The following INF2 variants were observed in gnomAD, a reference collection of about 807,000 sequenced individuals.
The protein encoded by INF2 is inverted formin 2, also known as inverted formin-2.
In INF2, 43 loss-of-function variants were observed where a neutral mutation model predicts 123.5. The ratio of observed to expected loss-of-function variants is 0.35; its 90% CI spans 0.27 to 0.45. INF2 has a LOEUF of 0.45. Ranked by LOEUF, INF2 falls within the 20% of genes least tolerant of loss-of-function variation. The probability of loss-of-function intolerance (pLI) is 1.00; values close to 1 mark genes in which losing one functional copy is unlikely to be tolerated. For synonymous variants in INF2, 851 were observed against 745.0 expected (o/e 1.14, Z -2.32); for missense variants, 1,453 against 1,682.7 (o/e 0.86, Z 2.39).
rs189559257 is a variant in INF2, at chr14:104,709,297, G to A, written c.1966G>A (p.Ala656Thr). 98 of 1,612,802 alleles carry A rather than the reference G, an allele frequency of 6.1e-5. No individual in the cohort carries two copies. The Admixed American group carries it at 7.0e-4, about 12-fold the overall frequency. The change falls in exon 11 of 23, where the codon GCT (alanine) becomes ACT (threonine). Residue 656 changes from alanine to threonine, a missense_variant. Around this residue, in one of 8 missense-constraint regions of INF2, gnomAD observed 192 missense variants for 274.4 expected, o/e 0.70. Transcript: ENST00000392634. Reference sequence around the variant, plus strand: ...CTGCTCCAGCTCCAACGAGGAGGTCGCTGCTATGATCCGGGCTGGAGATAC... The same window carrying A: ...CTGCTCCAGCTCCAACGAGGAGGTCACTGCTATGATCCGGGCTGGAGATAC... ...KQFKCSNEEV[A>T]AMIRAGDTTK...
rs372333024 is a variant in INF2, at chr14:104,709,651, G to C, written c.2084G>C (p.Arg695Pro). ...IENLRAFTEERAKLASADHFY... is the reference protein window; with the variant it reads ...IENLRAFTEEPAKLASADHFY... ...AACCTGCGGGCATTCACAGAGGAGC[G>C]AGCCAAGCTGGCCAGCGCCGACCAC... Residue 695 changes from arginine to proline, a missense_variant, in exon 12 of 23, where the codon CGA becomes CCA. By Grantham distance (103) the Arg-to-Pro change is moderately radical. This residue lies in a region of INF2 where 192 missense variants were observed against 274.4 expected (regional missense o/e 0.70). Transcript: ENST00000392634. The C allele has an allele frequency of 6.2e-7, 1 of 1,612,728 alleles. No homozygotes were observed. The highest frequency in any genetic ancestry group is 1.1e-5 in the South Asian group (1 of 91,086).
chr14:104,696,841 C>A (rs1196447359), intron 1 of INF2, among the ~76,000 whole-genome samples: 1 of 152,152 alleles, frequency 6.6e-6, no homozygotes. Flanking sequence ...TCCCTGCACC[C>A]CCACCACCAA....
At chr14:104,688,049 G>A (rs547733779), upstream of INF2, among the ~76,000 whole-genome samples, 3 of 152,374 alleles carry the variant, frequency 2.0e-5, no homozygotes, top group East Asian at 5.8e-4. Context: ...CTTGAGGGAG[G>A]GCAGGAAGGC....
intron 6 of INF2, 70 bp from the exon 7 acceptor site, chr14:104,706,839 GA>G: frequency 1.3e-6 from 2 of 1,557,112 alleles, no homozygotes; most frequent in South Asian, 2.3e-5. Context: ...CACCCTGGCA[GA>G]CAGGCCACAG....
At chr14:104,718,046 G>A (rs1282370875) in intron 22 of INF2, among the ~76,000 whole-genome samples, 4 of 152,238 alleles carry the variant, frequency 2.6e-5, no homozygotes, top group Admixed American at 1.3e-4. Flanking sequence ...ATCCCTGCAC[G>A]GGCCTTGGTC....
chr14:104,703,026 C>T (rs1889601725), intron 2 of INF2, 79 bp from the exon 3 acceptor site: 4 of 1,212,178 alleles, frequency 3.3e-6, no homozygotes, highest in South Asian at 1.3e-5. Flanking sequence ...AGGCCCAGAG[C>T]CCCAGCCCTG....
At position 104,720,127 on chromosome 14, in the gene INF2, A is replaced by T. The variant is rs943265973; in HGVS notation, c.*1334A>T. 6.5e-6 allele frequency: 1 copy of T among 154,470 alleles called. No individual in the cohort carries two copies. 9.6% of individuals were successfully genotyped at this position (154,470 alleles called of 1,614,324 possible). On this transcript the variant is annotated 3_prime_UTR_variant, in exon 23 of 23. Transcript: ENST00000392634. ...CTCACCTGCACTCCAGACGCTCCAGATGTCATGCATGTCTCCTGGCTTCCT... is the reference window on the plus strand; with the variant it reads ...CTCACCTGCACTCCAGACGCTCCAGTTGTCATGCATGTCTCCTGGCTTCCT...
At chr14:104,709,160 C>T (rs1035634695) in intron 10 of INF2, 121 bp from the exon 11 acceptor site, 6 of 724,078 alleles carry the variant, frequency 8.3e-6, no homozygotes, top group African/African-American at 7.0e-5. Context: ...TGTTCTGTGT[C>T]CCCCCTGCCC....
Position 104,719,079 on chromosome 14 carries a change from C to A in INF2, c.*286C>A. The A allele has an allele frequency of 1.7e-6, 1 of 577,996 alleles. No homozygotes were observed. The highest frequency in any genetic ancestry group is 2.9e-6 in the Non-Finnish European group (1 of 349,530). The allele number at this position is 577,996 out of a possible 1,614,324, so 35.8% of individuals were successfully genotyped here. On this transcript the variant is annotated 3_prime_UTR_variant, in exon 23 of 23. Transcript: ENST00000392634. ...CAACCCTGGCCCACACCCGCATGCG[C>A]CCGGTGCAGCCTGCCAAGGGCCAGT...
Position 104,713,193 on chromosome 14 carries a change from A to G in INF2, c.2776-14A>G. On this transcript the variant is annotated splice_polypyrimidine_tract_variant and intron_variant, in intron 18 of 22. Transcript: ENST00000392634. ...TGCCACGCTGGGGTGACGGGGCCAC[A>G]TCTGCCAGTGCAGGAGAACAAGGAC... is the stretch of plus-strand genomic sequence containing the variant. 6.4e-7 allele frequency: 1 copy of G among 1,560,682 alleles called. No individual in the cohort carries two copies. Among genetic ancestry groups the G allele is most frequent in the Non-Finnish European group, 8.7e-7 (1 of 1,153,460 alleles).
intron 5 of INF2, 32 bp from the exon 6 acceptor site, chr14:104,706,003 C>T (rs1352871757): frequency 3.8e-6 from 6 of 1,597,012 alleles, no homozygotes; most frequent in Non-Finnish European, 5.1e-6. Context: ...GTGGCAGCAG[C>T]AGGCTTAGCC....
At chr14:104,710,418 C>T (rs1429314455) in intron 13 of INF2, among the ~76,000 whole-genome samples, 1 of 148,278 alleles carries the variant, frequency 6.7e-6, no homozygotes, top group African/African-American at 2.4e-5. Context: ...GGCACGTGCA[C>T]ACACACAAGC....
rs1405658576 is a variant in INF2 at position 104,701,357 on chromosome 14, C to G, written c.-9C>G. 1 of 1,572,024 alleles carries G rather than the reference C, an allele frequency of 6.4e-7. No homozygotes were observed. The highest frequency in any genetic ancestry group is 2.3e-5 in the East Asian group (1 of 42,568). On this transcript the variant is annotated splice_region_variant and 5_prime_UTR_variant, in exon 2 of 23. Transcript: ENST00000392634. ...ACGGCTCCCTGCCCTCTGCCTGCAG[C>G]TCGGCAAGATGTCGGTGAAGGAGGG...
At chr14:104,704,555 G>A (rs552578524) in intron 5 of INF2, 14 of 158,632 alleles carry the variant, frequency 8.8e-5, no homozygotes, top group South Asian at 7.4e-4. Flanking sequence ...GCACGCACGC[G>A]CGCAAGGGAT....
chr14:104,714,705 A>G lies in INF2; in HGVS notation c.3543A>G (p.Pro1181=). The G allele has an allele frequency of 6.2e-7, 1 of 1,610,378 alleles. No homozygotes were observed. Among genetic ancestry groups the G allele is most frequent in the South Asian group, 1.1e-5 (1 of 90,982 alleles). ...ACGAGGACGAGGAGGACACGGCCCC[A>G]GAGTCCGCACTGGACACATCCCTGG... The part of the protein sequence containing the change: ...DEDEDEEDTA[P]ESALDTSLDK... The change falls in exon 21 of 23, where the codon CCA becomes CCG. Residue 1181 remains proline, a synonymous_variant. Coordinates refer to ENST00000392634, the MANE Select transcript of INF2 (RefSeq NM_022489.4).
Position 104,684,383 on chromosome 14 carries a change from G to A in INF2, c.-104+2801G>A, listed in dbSNP as rs1237430867. ...GGCCTCTGCACCTCAGCTTTCAGCG[G>A]ATAGGTTTGTGCAACGAAATATTTC... On this transcript the variant is annotated intron_variant, in intron 1 of 2. Coordinates refer to the INF2 transcript ENST00000674723. This position sits in a 1 kb window ranked among gnomAD's most constrained non-coding sequence, Gnocchi z 5.0. 1.3e-5 allele frequency: 4 copies of A among 299,352 alleles called. No individual in the cohort carries two copies. The East Asian group carries it at 3.6e-4, about 27-fold the overall frequency. 18.5% of individuals were successfully genotyped at this position (299,352 alleles called of 1,614,324 possible). A position where few individuals can be genotyped will look rare whatever the true frequency, so the allele number is the denominator to read the frequency against.
intron 1 of INF2, among the ~76,000 whole-genome samples, chr14:104,698,451 G>A (rs1889304625): frequency 1.3e-5 from 2 of 152,222 alleles, no homozygotes; most frequent in Admixed American, 1.3e-4. Flanking sequence ...GAAGCCTCAT[G>A]GTTTTCTCAT....
rs370947072 is a variant in INF2 at position 104,713,613 on chromosome 14, C to A, written c.3040+7C>A. 6 of 1,611,706 alleles carry A rather than the reference C, an allele frequency of 3.7e-6. No individual in the cohort carries two copies. The highest frequency in any genetic ancestry group is 5.1e-6 in the Non-Finnish European group (6 of 1,179,194). On this transcript the variant is annotated splice_region_variant and intron_variant, in intron 20 of 22. Transcript: ENST00000392634. The stretch of plus-strand genomic sequence containing the variant: ...CCAAGAGCCACAGAGCCTGGTAAGA[C>A]CCTCTCCCACTGCCTCCTCATGGTC...
At position 104,710,920 on chromosome 14, in the gene INF2, C is replaced by T; in HGVS notation, c.2240-17C>T. On this transcript the variant is annotated splice_polypyrimidine_tract_variant and intron_variant, in intron 13 of 22. Transcript: ENST00000392634. ...TCCGAACCAAGAGCCCCTCTCCAGC[C>T]CTGGCTGCCCCTGCAGGCCTGCTCA... The T allele has an allele frequency of 6.2e-7, 1 of 1,611,150 alleles. No individual in the cohort carries two copies. The highest frequency in any genetic ancestry group is 1.1e-5 in the South Asian group (1 of 90,920).
Sources: gnomAD v4.1 joint callset for allele counts (sites outside exome capture counted in the v4.1 genomes callset) on GRCh38, gnomAD v4.1.1 for gene constraint, gnomAD v4.1.1 regional missense constraint, Gnocchi (gnomAD v3.1) non-coding constraint, MANE v1.5 for transcripts, NCBI Gene and HGNC (gene_info 2026-07-23, HGNC 2026-07-21) for gene names.